The following SMYD3 variants were observed in gnomAD, a reference collection of about 807,000 sequenced individuals.
The protein encoded by SMYD3 is histone-lysine N-methyltransferase SMYD3.
A neutral mutation model predicts 57.7 loss-of-function variants in SMYD3; 36 were observed. The observed-to-expected ratio is 0.62, with a 90% CI of 0.48 to 0.82. SMYD3 has a LOEUF of 0.82. SMYD3 is among the 40% of genes least tolerant of loss of function. SMYD3 has a pLI of 0.00. For synonymous variants in SMYD3, 211 were observed against 195.0 expected (o/e 1.08, Z -0.68); for missense variants, 515 against 538.8 (o/e 0.96, Z 0.44).
At chr1:245,904,719 A>G (rs149696378) in intron 8 of SMYD3, among the ~76,000 whole-genome samples, 1 of 152,208 alleles carries the variant, frequency 6.6e-6, no homozygotes, top group Non-Finnish European at 1.5e-5. Context: ...GCCCAGAGAC[A>G]GTGGACTTAG....
intron 5 of SMYD3, among the ~76,000 whole-genome samples, chr1:246,233,970 G>C (rs1339758577): frequency 1.5e-5 from 2 of 130,404 alleles, no homozygotes; most frequent in Non-Finnish European, 3.2e-5. Context: ...CAGAGGAGAA[G>C]CACTCCTTCA....
At chr1:246,476,796 C>A (rs1409534357) in intron 1 of SMYD3, among the ~76,000 whole-genome samples, 1 of 151,922 alleles carries the variant, frequency 6.6e-6, no homozygotes, top group African/African-American at 2.4e-5. Context: ...AAGAAAACAA[C>A]TTTTTCTTTT....
chr1:246,419,391 T>C (rs1000865239), intron 1 of SMYD3, among the ~76,000 whole-genome samples: 11 of 152,328 alleles, frequency 7.2e-5, no homozygotes, highest in Admixed American at 6.5e-4. Context: ...CGGCCACTTG[T>C]CTTCTTCCAC....
intron 2 of SMYD3, among the ~76,000 whole-genome samples, chr1:246,351,145 C>A: frequency 6.6e-6 from 1 of 152,210 alleles, no homozygotes; most frequent in South Asian, 2.1e-4. Flanking sequence ...AAAATGTAAA[C>A]CCAAAAATAC....
intron 11 of SMYD3, among the ~76,000 whole-genome samples, chr1:245,762,290 C>T (rs901955891): frequency 2.0e-5 from 3 of 152,268 alleles, no homozygotes; most frequent in Middle Eastern, 3.4e-3. Context: ...AGTATGATCA[C>T]GGATCACGTA....
At chr1:246,331,346 T>C (rs1339484809) in intron 3 of SMYD3, among the ~76,000 whole-genome samples, 4 of 152,248 alleles carry the variant, frequency 2.6e-5, no homozygotes, top group Non-Finnish European at 2.9e-5. Context: ...ATACTAATTA[T>C]GTATGTGTAT....
chr1:246,231,929 A>G (rs1205403257), intron 5 of SMYD3, among the ~76,000 whole-genome samples: 1 of 152,152 alleles, frequency 6.6e-6, no homozygotes, highest in East Asian at 1.9e-4. Context: ...TTTCCTTGGG[A>G]GCACTGAACA....
At chr1:246,222,661 T>G (rs1405546239) in intron 5 of SMYD3, among the ~76,000 whole-genome samples, 1 of 152,162 alleles carries the variant, frequency 6.6e-6, no homozygotes, top group Non-Finnish European at 1.5e-5. Flanking sequence ...CATTACTCTT[T>G]TCACAAAGGA....
At chr1:246,270,792 T>A (rs1205431983) in intron 5 of SMYD3, among the ~76,000 whole-genome samples, 1 of 152,204 alleles carries the variant, frequency 6.6e-6, no homozygotes, top group Non-Finnish European at 1.5e-5. Flanking sequence ...CATACAAACA[T>A]CTCTTTGAGA....
intron 8 of SMYD3, among the ~76,000 whole-genome samples, chr1:245,888,323 G>T (rs570310732): frequency 2.0e-5 from 3 of 152,166 alleles, no homozygotes; most frequent in Admixed American, 6.5e-5. Flanking sequence ...ATTGGACAAA[G>T]ATAGTATGTT....
intron 5 of SMYD3, among the ~76,000 whole-genome samples, chr1:246,085,553 C>T (rs2060708284): frequency 6.6e-6 from 1 of 152,148 alleles, no homozygotes; most frequent in African/African-American, 2.4e-5. Flanking sequence ...TCCAAACATG[C>T]AGTGACATAG....
chr1:245,844,777 T>C (rs2050580619), intron 10 of SMYD3, among the ~76,000 whole-genome samples: 1 of 151,914 alleles, frequency 6.6e-6, no homozygotes, highest in African/African-American at 2.4e-5. Context: ...TGAAGCCACC[T>C]GGCTAACATG....
intron 5 of SMYD3, among the ~76,000 whole-genome samples, chr1:246,217,643 T>C (rs2063185591): frequency 6.6e-6 from 1 of 152,092 alleles, no homozygotes; most frequent in Non-Finnish European, 1.5e-5. Context: ...GAATTTAAAG[T>C]AAATATGTTT....
chr1:246,467,039 G>A (rs1484024611), intron 1 of SMYD3, among the ~76,000 whole-genome samples: 1 of 151,398 alleles, frequency 6.6e-6, no homozygotes, highest in Non-Finnish European at 1.5e-5. Context: ...GAATGGGGGC[G>A]TGTGCCTGTA....
rs573264273 is a variant in SMYD3 at position 246,004,179 on chromosome 1, C to T, written c.532-74242G>A. Among the ~76,000 whole-genome samples, 205 of 152,216 alleles carry T rather than the reference C, an allele frequency of 1.3e-3. 1 individual carries two copies. The highest frequency in any genetic ancestry group is 0.01 in the Middle Eastern group (3 of 294). ...GCACAGTGCTAACATCTAGAAGGTG[C>T]TGCCCAGCCCCAAAGAGATCTACCA... On this transcript the variant is annotated intron_variant, in intron 5 of 11. Coordinates refer to ENST00000490107, the MANE Select transcript of SMYD3 (RefSeq NM_001167740.2).
intron 1 of SMYD3, among the ~76,000 whole-genome samples, chr1:246,503,944 A>C (rs1167278152): frequency 7.6e-6 from 1 of 131,056 alleles, no homozygotes; most frequent in Non-Finnish European, 1.6e-5. Flanking sequence ...ACAAGAGCAA[A>C]ACTCCATCTT....
At chr1:246,033,509 C>T (rs114752594) in intron 5 of SMYD3, among the ~76,000 whole-genome samples, 2,667 of 152,214 alleles carry the variant, frequency 0.018, 39 homozygotes, top group African/African-American at 0.04. Flanking sequence ...ATGTTCTGGC[C>T]GGGTGCTGGC....
In SMYD3 at chr1:245,836,850, C is replaced by T. The variant is rs571455835; in HGVS notation, c.1076+21646G>A. 8.5e-5 allele frequency among the ~76,000 whole-genome samples: 13 copies of T among 152,228 alleles called. 1 individual carries two copies. Among genetic ancestry groups the T allele is most frequent in the South Asian group, 8.3e-4 (4 of 4,818 alleles). The stretch of plus-strand genomic sequence containing the variant: ...GACAAGCACGCCCTGAGCAGAGCCC[C>T]GGGAATTCAACCTTTAAGTGGATAA... On this transcript the variant is annotated intron_variant, in intron 10 of 11. Transcript: ENST00000490107.
chr1:246,429,254 CTT>C (rs771860910), intron 1 of SMYD3, among the ~76,000 whole-genome samples: 10 of 152,004 alleles, frequency 6.6e-5, no homozygotes, highest in Non-Finnish European at 1.3e-4. Flanking sequence ...CAGTGATACT[CTT>C]GGGTGATACA....
Sources: allele counts gnomAD v4.1 joint callset (sites outside exome capture counted in the v4.1 genomes callset), GRCh38; gene constraint gnomAD v4.1.1; transcripts MANE v1.5; gene names NCBI Gene and HGNC (gene_info 2026-07-23, HGNC 2026-07-21).